The following ATP5MF variants were observed in gnomAD, a reference collection of about 807,000 sequenced individuals.
ATP5MF encodes ATP synthase F(0) complex subunit f, mitochondrial.
ATP5MF carries 10 observed loss-of-function variants against 13.8 expected under a neutral mutation model. That is an observed-to-expected ratio of 0.72 (90% CI 0.45 to 1.23). The LOEUF (loss-of-function observed/expected upper bound fraction) is 1.23, where lower values mean the gene tolerates loss of function less well. Among genes scored for constraint, ATP5MF ranks in the 50% most tolerant of loss-of-function variants. The probability of loss-of-function intolerance (pLI) is 0.00; values close to 1 mark genes in which losing one functional copy is unlikely to be tolerated. For missense variants in ATP5MF, 122 were observed against 118.2 expected, an observed-to-expected ratio of 1.03 and a Z score of -0.15; for synonymous variants, 40 against 45.8, an observed-to-expected ratio of 0.87 and a Z score of 0.51.
At chr7:99,460,915 G>C (rs952434297) in intron 1 of ATP5MF, among the ~76,000 whole-genome samples, 1 of 152,144 alleles carries the variant, frequency 6.6e-6, no homozygotes, top group African/African-American at 2.4e-5. Flanking sequence ...CAGCATCCTG[G>C]GACCACGGAC....
chr7:99,461,716 T>C, intron 1 of ATP5MF, among the ~76,000 whole-genome samples: 1 of 151,438 alleles, frequency 6.6e-6, no homozygotes. Context: ...TGGAGTGCAG[T>C]GGCATGATCT....
intron 3 of ATP5MF, 183 bp downstream of exon 3, chr7:99,458,963 AT>A (rs1203852079): frequency 1.8e-6 from 1 of 564,632 alleles, no homozygotes; most frequent in East Asian, 2.9e-5. Flanking sequence ...CAATTTTCTC[AT>A]TTCAAACAAT....
intron 1 of ATP5MF, among the ~76,000 whole-genome samples, chr7:99,464,649 C>A (rs544969224): frequency 6.7e-6 from 1 of 149,950 alleles, no homozygotes; most frequent in African/African-American, 2.5e-5. Context: ...GGCGACAGAG[C>A]GAGACTCCAT....
At chr7:99,458,443 G>A (rs902593625) in intron 3 of ATP5MF, 88 bp from the exon 4 acceptor site, 22 of 1,364,980 alleles carry the variant, frequency 1.6e-5, no homozygotes, top group Non-Finnish European at 2.2e-5. Flanking sequence ...ATCACACAAA[G>A]CCTTCCTGAG....
In ATP5MF at chr7:99,466,116, G is replaced by C. The variant is rs117298057; in HGVS notation, c.26C>G (p.Ala9Gly). Reference protein sequence around the residue: MASVGECPAPVPVKDKKLL... With the variant: MASVGECPGPVPVKDKKLL... ...CGGAGTCCAAACAGCCTTACCTGGGGCCGGACACTCACCAACTGACGCCAT... is the reference window on the plus strand; with the variant it reads ...CGGAGTCCAAACAGCCTTACCTGGGCCCGGACACTCACCAACTGACGCCAT... The change falls in exon 1 of 4, where the codon GCC becomes GGC. Residue 9 changes from alanine (A) to glycine (G), a missense_variant. Ala to Gly is a moderately conservative substitution (Grantham distance 60). Coordinates refer to ENST00000292475, the MANE Select transcript of ATP5MF (RefSeq NM_004889.5). The C allele has an allele frequency of 0.012, 19,978 of 1,614,162 alleles. 165 individuals carry two copies. The highest frequency in any genetic ancestry group is 0.015 in the South Asian group (1,349 of 91,088).
chr7:99,461,004 G>A (rs1044540074), intron 1 of ATP5MF, among the ~76,000 whole-genome samples: 1 of 152,142 alleles, frequency 6.6e-6, no homozygotes, highest in African/African-American at 2.4e-5. Context: ...CCAAATGACT[G>A]AACGGCCCCA....
rs570345754 is a variant in ATP5MF at position 99,458,375 on chromosome 7, A to G, written c.257-20T>C. On this transcript the variant is annotated intron_variant, in intron 3 of 3. Coordinates refer to ENST00000292475, the MANE Select transcript of ATP5MF (RefSeq NM_004889.5). ...CGTGCTCTGAAGTCAGGAAGGCAAGATGGTAAGTATCTTAAAAGGTTACAG... is the reference window on the plus strand; with the variant it reads ...CGTGCTCTGAAGTCAGGAAGGCAAGGTGGTAAGTATCTTAAAAGGTTACAG... The G allele has an allele frequency of 6.2e-7, 1 of 1,602,298 alleles. No individual in the cohort carries two copies. The highest frequency in any genetic ancestry group is 1.3e-5 in the African/African-American group (1 of 74,960).
intron 1 of ATP5MF, chr7:99,460,551 C>T: frequency 1.9e-6 from 1 of 527,504 alleles, no homozygotes. Context: ...TTAATCTTCA[C>T]AACAAGCACT....
intron 1 of ATP5MF, among the ~76,000 whole-genome samples, chr7:99,462,288 TAAAAAAAAAAAAAAAAA>T (rs755455949): frequency 6.5e-5 from 2 of 30,872 alleles, no homozygotes; most frequent in East Asian, 8.7e-4. Context: ...CCATCACTAC[TAAAAAAAAAAAAAAAAA>T]AAAAAAAAAA....
rs1206467254 is a variant in ATP5MF, at chr7:99,458,357, T to C, written c.257-2A>G. On this transcript the variant is annotated splice_acceptor_variant, in intron 3 of 3. Coordinates refer to ENST00000292475, the MANE Select transcript of ATP5MF (RefSeq NM_004889.5). LOFTEE classifies it high-confidence loss of function. ...GGTATTTGCGGAGCCGCTCGTGCTCTGAAGTCAGGAAGGCAAGATGGTAAG... is the reference window on the plus strand; with the variant it reads ...GGTATTTGCGGAGCCGCTCGTGCTCCGAAGTCAGGAAGGCAAGATGGTAAG... 1 of 1,607,450 alleles carries C rather than the reference T, an allele frequency of 6.2e-7. No individual in the cohort carries two copies. The highest frequency in any genetic ancestry group is 8.5e-7 in the Non-Finnish European group (1 of 1,177,794).
Position 99,460,970 on chromosome 7 carries a change from G to A in ATP5MF, c.32-777C>T, listed in dbSNP as rs563087141. Among the ~76,000 whole-genome samples, 13 of 152,202 alleles carry A rather than the reference G, an allele frequency of 8.5e-5. No individual in the cohort carries two copies. In the South Asian group the frequency reaches 2.7e-3, roughly 32 times the overall value. ...AAAAATAAGAGATAACACATTCCGA[G>A]AAGTCAAGTGACGAAAAACCACTCC... On this transcript the variant is annotated intron_variant, in intron 1 of 3. Transcript: ENST00000292475.
intron 1 of ATP5MF, 54 bp downstream of exon 1, chr7:99,466,057 T>TCTGGACC (rs1391201200): frequency 2.5e-6 from 4 of 1,613,582 alleles, no homozygotes; most frequent in Non-Finnish European, 3.4e-6. Context: ...CCAGTGTGGC[T>TCTGGACC]CTGGACCCTG....
rs2030324463 is a variant in ATP5MF at position 99,466,124 on chromosome 7, C to A, written c.18G>T (p.Glu6Asp). ...AAACAGCCTTACCTGGGGCCGGACA[C>A]TCACCAACTGACGCCATTTTGGAGT... MASVG[E>D]CPAPVPVKDK... The change falls in exon 1 of 4, where the codon GAG (glutamate) becomes GAT (aspartate). Residue 6 changes from glutamate to aspartate, a missense_variant. Coordinates refer to ENST00000292475, the MANE Select transcript of ATP5MF (RefSeq NM_004889.5). The A allele has an allele frequency of 6.2e-7, 1 of 1,614,218 alleles. No homozygotes were observed. Among genetic ancestry groups the A allele is most frequent in the Non-Finnish European group, 8.5e-7 (1 of 1,180,034 alleles).
chr7:99,459,307 T>A, intron 2 of ATP5MF, 44 bp from the exon 3 acceptor site: 1 of 1,377,572 alleles, frequency 7.3e-7, no homozygotes, highest in Non-Finnish European at 1.0e-6. Flanking sequence ...GGCTTCACAT[T>A]TGAGTGAAGT....
chr7:99,458,312 CAG>C lies in ATP5MF; in HGVS notation c.*13_*14del. 5.0e-6 allele frequency: 8 copies of C among 1,608,826 alleles called. No individual in the cohort carries two copies. Among genetic ancestry groups the C allele is most frequent in the Non-Finnish European group, 6.8e-6 (8 of 1,178,314 alleles). ...GCCAAGGTCGTGGGGTGGGGGGGTG[CAG>C]AGTGTGTCCTCTTCAGTGGTATTTG... On this transcript the variant is annotated 3_prime_UTR_variant, in exon 4 of 4. Coordinates refer to ENST00000292475, the MANE Select transcript of ATP5MF (RefSeq NM_004889.5).
At chr7:99,465,270 T>A (rs903738699) in intron 1 of ATP5MF, among the ~76,000 whole-genome samples, 4 of 150,852 alleles carry the variant, frequency 2.7e-5, no homozygotes, top group African/African-American at 9.8e-5. Flanking sequence ...AAAAAAAAAA[T>A]GATAAAAAAA....
At chr7:99,462,005 T>TA (rs760610792) in intron 1 of ATP5MF, among the ~76,000 whole-genome samples, 28 of 151,508 alleles carry the variant, frequency 1.8e-4, no homozygotes, top group Admixed American at 2.6e-4. Context: ...CACATTCACA[T>TA]AAACTATGCA....
chr7:99,459,038 A>T, intron 3 of ATP5MF, 109 bp downstream of exon 3: 1 of 766,566 alleles, frequency 1.3e-6, no homozygotes, highest in Non-Finnish European at 2.2e-6. Context: ...AAGGAACTTT[A>T]ACTAAAGGTC....
intron 1 of ATP5MF, among the ~76,000 whole-genome samples, chr7:99,464,858 C>T (rs898618126): frequency 3.3e-5 from 5 of 151,628 alleles, no homozygotes; most frequent in Admixed American, 2.6e-4. Flanking sequence ...ATCCCAGATA[C>T]TTGGGAGGCT....
Sources: gnomAD v4.1 joint callset for allele counts (sites outside exome capture counted in the v4.1 genomes callset) on GRCh38, gnomAD v4.1.1 for gene constraint, MANE v1.5 for transcripts, NCBI Gene and HGNC (gene_info 2026-07-23, HGNC 2026-07-21) for gene names.